Variants in CDH13 observed in about 807,000 individuals in gnomAD.
The protein encoded by CDH13 is cadherin 13.
CDH13 carries 24 observed loss-of-function variants against 63.8 expected under a neutral mutation model. That is an observed-to-expected ratio of 0.38 (90% CI 0.27 to 0.53). The LOEUF (loss-of-function observed/expected upper bound fraction) is 0.53. Among genes scored for constraint, CDH13 ranks in the 20% least tolerant of loss-of-function variants. The probability of loss-of-function intolerance (pLI) is 0.85; values close to 1 mark genes in which losing one functional copy is unlikely to be tolerated. For synonymous variants in CDH13, 503 were observed against 355.3 expected (o/e 1.42, Z -4.67); for missense variants, 1,049 against 903.1 (o/e 1.16, Z -2.07).
chr16:82,843,859 G>A (rs1192267959), intron 1 of CDH13, among the ~76,000 whole-genome samples: 6 of 152,150 alleles, frequency 3.9e-5, no homozygotes, highest in African/African-American at 1.4e-4. Context: ...CACAACACCA[G>A]GCCTGGCTCT....
chr16:83,337,545 T>G (rs2090624414), intron 5 of CDH13, among the ~76,000 whole-genome samples: 1 of 151,450 alleles, frequency 6.6e-6, no homozygotes, highest in African/African-American at 2.4e-5. Flanking sequence ...TTAAACAAAT[T>G]AGAGGTGATT....
intron 1 of CDH13, chr16:82,689,048 C>T (rs1597328396): frequency 6.6e-6 from 1 of 152,298 alleles, no homozygotes; most frequent in African/African-American, 2.4e-5. Context: ...AGCTGTCTTT[C>T]ACACCAGCTG....
chr16:83,492,217 A>G (rs1197829039), intron 7 of CDH13, among the ~76,000 whole-genome samples: 1 of 148,406 alleles, frequency 6.7e-6, no homozygotes, highest in African/African-American at 2.5e-5. Context: ...GTAAAAAAGG[A>G]TAGCATTTCC....
intron 1 of CDH13, among the ~76,000 whole-genome samples, chr16:82,847,856 C>G (rs2039327973): frequency 6.6e-6 from 1 of 151,844 alleles, no homozygotes; most frequent in Non-Finnish European, 1.5e-5. Context: ...GGCTTTTTGC[C>G]CCATGCTTTT....
intron 4 of CDH13, among the ~76,000 whole-genome samples, chr16:83,174,348 T>A (rs2038039945): frequency 6.6e-6 from 1 of 152,006 alleles, no homozygotes. Context: ...TGGCACTATC[T>A]TTTTTTTCTT....
chr16:82,781,501 C>G (rs1014926832), intron 1 of CDH13, among the ~76,000 whole-genome samples: 22 of 152,254 alleles, frequency 1.4e-4, no homozygotes, highest in Admixed American at 1.2e-3. Context: ...ATCTACCCAT[C>G]TGTCCACCCA....
intron 4 of CDH13, among the ~76,000 whole-genome samples, chr16:83,148,985 G>A (rs912992267): frequency 6.6e-6 from 1 of 152,102 alleles, no homozygotes; most frequent in Admixed American, 6.5e-5. Context: ...GACCCCAAAT[G>A]TATCATAAAA....
intron 1 of CDH13, among the ~76,000 whole-genome samples, chr16:82,817,285 T>C (rs548083936): frequency 2.2e-4 from 34 of 152,090 alleles, no homozygotes; most frequent in Non-Finnish European, 5.0e-4. Flanking sequence ...GGTCCACCCC[T>C]CTGTATGGCT....
chr16:83,034,017 C>T (rs983331165), intron 3 of CDH13, among the ~76,000 whole-genome samples: 12 of 152,044 alleles, frequency 7.9e-5, no homozygotes, highest in Admixed American at 2.6e-4. Flanking sequence ...CAGCTGGGAG[C>T]AGAGACAGTA....
At chr16:83,064,934 G>C (rs1442722009) in intron 3 of CDH13, among the ~76,000 whole-genome samples, 1 of 151,996 alleles carries the variant, frequency 6.6e-6, no homozygotes, top group Non-Finnish European at 1.5e-5. Context: ...ATCATGCTGT[G>C]CAATAGTCTC....
At chr16:83,678,557 A>G (rs1915152697) in intron 10 of CDH13, 96 bp downstream of exon 10, 4 of 1,437,024 alleles carry the variant, frequency 2.8e-6, no homozygotes, top group Non-Finnish European at 3.8e-6. Context: ...AGACACCATT[A>G]AATTAAACTT....
At chr16:83,369,714 C>CGCGCCCGGCCG (rs2091327730) in intron 6 of CDH13, among the ~76,000 whole-genome samples, 1 of 152,172 alleles carries the variant, frequency 6.6e-6, no homozygotes, top group African/African-American at 2.4e-5. Flanking sequence ...CATGAGCCAC[C>CGCGCCCGGCCG]ATGACTGTCT....
At chr16:83,474,753 C>A (rs962288424) in intron 6 of CDH13, among the ~76,000 whole-genome samples, 1 of 152,228 alleles carries the variant, frequency 6.6e-6, no homozygotes, top group African/African-American at 2.4e-5. Flanking sequence ...CAGCACAGAT[C>A]TCCCAGAACA....
chr16:82,754,732 T>G (rs765377305), intron 1 of CDH13, among the ~76,000 whole-genome samples: 7 of 152,216 alleles, frequency 4.6e-5, no homozygotes, highest in Non-Finnish European at 8.8e-5. Flanking sequence ...CAAAACAACT[T>G]GACAGGACTT....
At chr16:82,767,237 A>G (rs2035090371) in intron 1 of CDH13, among the ~76,000 whole-genome samples, 1 of 152,186 alleles carries the variant, frequency 6.6e-6, no homozygotes, top group South Asian at 2.1e-4. Flanking sequence ...GTGTAACCCA[A>G]AGCATTGCCA....
intron 1 of CDH13, among the ~76,000 whole-genome samples, chr16:82,799,094 A>G (rs924388921): frequency 6.6e-6 from 1 of 152,146 alleles, no homozygotes; most frequent in African/African-American, 2.4e-5. Context: ...TGATAGATAA[A>G]CATGAAGATA....
chr16:82,941,669 T>G (rs899732943), intron 2 of CDH13, among the ~76,000 whole-genome samples: 5 of 152,204 alleles, frequency 3.3e-5, no homozygotes, highest in African/African-American at 9.6e-5. Context: ...CAGGCACATT[T>G]TCTTTTGTTG....
chr16:83,361,620 A>T (rs1424201275), intron 6 of CDH13, among the ~76,000 whole-genome samples: 2 of 152,146 alleles, frequency 1.3e-5, no homozygotes, highest in Non-Finnish European at 2.9e-5. Context: ...GATGAAATGT[A>T]TGGGTCATTT....
chr16:83,644,144 A>T lies in CDH13; in HGVS notation c.1102-26646A>T, dbSNP rs1968262. On this transcript the variant is annotated intron_variant, in intron 8 of 13. Coordinates refer to ENST00000567109, the MANE Select transcript of CDH13 (RefSeq NM_001257.5). Reference sequence around the variant, plus strand: ...TCTGTAATCTCCTTCTCTTTATCTCAGCTCTGCCTTCAGATGTGTCCCTTG... The same window carrying T: ...TCTGTAATCTCCTTCTCTTTATCTCTGCTCTGCCTTCAGATGTGTCCCTTG... 5.9e-3 allele frequency among the ~76,000 whole-genome samples: 906 copies of T among 152,310 alleles called. 12 individuals carry two copies. Among genetic ancestry groups the T allele is most frequent in the African/African-American group, 0.021 (858 of 41,566 alleles).
Sources: allele counts gnomAD v4.1 joint callset (sites outside exome capture counted in the v4.1 genomes callset), GRCh38; gene constraint gnomAD v4.1.1; transcripts MANE v1.5; gene names NCBI Gene and HGNC (gene_info 2026-07-23, HGNC 2026-07-21).